POLR1A: variants seen among roughly 807,000 people sequenced by gnomAD.
POLR1A encodes RNA polymerase I subunit A.
Under a neutral mutation model 205.3 loss-of-function variants are expected in POLR1A, and 84 were observed. The ratio of observed to expected loss-of-function variants is 0.41; its 90% CI spans 0.34 to 0.49. POLR1A has a LOEUF of 0.49. Among genes scored for constraint, POLR1A ranks in the 20% least tolerant of loss-of-function variants. The pLI is 0.22. For synonymous variants in POLR1A, 799 were observed against 863.7 expected, an observed-to-expected ratio of 0.93 and a Z score of 1.31; for missense variants, 1,645 against 2,204.5, an observed-to-expected ratio of 0.75 and a Z score of 5.08.
chr2:86,059,413 G>A (rs1672957425), intron 14 of POLR1A, among the ~76,000 whole-genome samples: 1 of 152,144 alleles, frequency 6.6e-6, no homozygotes, highest in African/African-American at 2.4e-5. Flanking sequence ...CCATGTGCCT[G>A]GCCATCAGGA....
intron 12 of POLR1A, among the ~76,000 whole-genome samples, chr2:86,073,429 G>A (rs1255101240): frequency 6.6e-6 from 1 of 152,140 alleles, no homozygotes; most frequent in African/African-American, 2.4e-5. Context: ...GACCCCAGAG[G>A]AATGAGGGCT....
At chr2:86,083,301 C>T in intron 6 of POLR1A, 133 bp from the exon 7 acceptor site, 1 of 678,294 alleles carries the variant, frequency 1.5e-6, no homozygotes, top group African/African-American at 1.8e-5. Flanking sequence ...AGCATATTAT[C>T]AGGCCTGGAT....
intron 14 of POLR1A, among the ~76,000 whole-genome samples, chr2:86,056,384 G>A (rs1049616656): frequency 2.6e-5 from 4 of 151,952 alleles, no homozygotes; most frequent in Non-Finnish European, 5.9e-5. Context: ...CCAGGGAATT[G>A]GAGGTTGCAG....
In POLR1A at chr2:86,079,551, C is replaced by T. The variant is rs546035791; in HGVS notation, c.1086+1265G>A. On this transcript the variant is annotated intron_variant, in intron 9 of 33. Coordinates refer to ENST00000263857, the MANE Select transcript of POLR1A (RefSeq NM_015425.6). ...CGAAGCATTTGTTTGACAAAGGGGA[C>T]GACCAATTTTTCTTTTTTTTTTAAT... 3.9e-5 allele frequency among the ~76,000 whole-genome samples: 6 copies of T among 151,978 alleles called. No homozygotes were observed. The East Asian group carries it at 9.7e-4, about 24-fold the overall frequency.
At chr2:86,077,753 C>A in intron 11 of POLR1A, 106 bp downstream of exon 11, 2 of 1,329,842 alleles carry the variant, frequency 1.5e-6, no homozygotes, top group Non-Finnish European at 2.1e-6. Context: ...GTCCCCAGTC[C>A]TCTGCGGCAT....
intron 3 of POLR1A, among the ~76,000 whole-genome samples, chr2:86,093,802 T>C (rs1673653639): frequency 6.6e-6 from 1 of 152,200 alleles, no homozygotes; most frequent in Non-Finnish European, 1.5e-5. Context: ...GTACTCTAAC[T>C]TGGATAACAG....
rs760022156 is a variant in POLR1A at position 86,088,817 on chromosome 2, T to G, written c.594A>C (p.Ala198=). The G allele has an allele frequency of 5.4e-5, 87 of 1,614,006 alleles. No homozygotes were observed. Among genetic ancestry groups the G allele is most frequent in the Admixed American group, 1.7e-5 (1 of 59,996 alleles). The change falls in exon 5 of 34, where the codon GCA becomes GCC. Residue 198 remains alanine (A), a synonymous_variant. Coordinates refer to ENST00000263857, the MANE Select transcript of POLR1A (RefSeq NM_015425.6). The part of the protein sequence containing the change: ...KSKLIALFWK[A]HMNAKRCPHC... ...GGGGACAGCGCTTAGCATTCATATG[T>G]GCCTTCCAGAAGAGAGCAATGAGCT... is the stretch of plus-strand genomic sequence containing the variant.
chr2:86,058,612 TA>T (rs1163734423), intron 14 of POLR1A, among the ~76,000 whole-genome samples: 2 of 151,054 alleles, frequency 1.3e-5, no homozygotes, highest in Non-Finnish European at 2.9e-5. Flanking sequence ...TAGAAATGTA[TA>T]ATTTACTTTC....
chr2:86,075,203 G>A lies in POLR1A; in HGVS notation c.1438C>T (p.Leu480Phe), dbSNP rs1279854555. 3 of 1,612,912 alleles carry A rather than the reference G, an allele frequency of 1.9e-6. No individual in the cohort carries two copies. Among genetic ancestry groups the A allele is most frequent in the Non-Finnish European group, 2.5e-6 (3 of 1,179,472 alleles). The change falls in exon 12 of 34, where the codon CTT becomes TTT. Residue 480 changes from leucine to phenylalanine, a missense_variant. Leu to Phe is a conservative substitution (Grantham distance 22). This residue lies in a region of POLR1A where 131 missense variants were observed against 214.5 expected (regional missense o/e 0.61). Transcript: ENST00000263857. Reference protein sequence around the residue: ...QPVTPWNVQELRQAVINGPNV... With the variant: ...QPVTPWNVQEFRQAVINGPNV... ...GGGCCGTTGATGACCGCTTGCCTAA[G>A]TTCCTGAACATTCCATGGGGTAACT...
At chr2:86,100,374 A>G (rs1010479262) in intron 1 of POLR1A, among the ~76,000 whole-genome samples, 2 of 152,188 alleles carry the variant, frequency 1.3e-5, no homozygotes, top group Non-Finnish European at 2.9e-5. Flanking sequence ...TATGTGCTAA[A>G]TGAATAAGTC....
intron 27 of POLR1A, among the ~76,000 whole-genome samples, chr2:86,036,396 C>G (rs1247290217): frequency 2.0e-5 from 3 of 152,122 alleles, no homozygotes; most frequent in African/African-American, 7.2e-5. Context: ...ATATCTCTAC[C>G]TAGGGAACCA....
At chr2:86,044,382 T>A (rs750789964) in intron 21 of POLR1A, 78 bp from the exon 22 acceptor site, 1 of 1,512,090 alleles carries the variant, frequency 6.6e-7, no homozygotes, top group Non-Finnish European at 9.1e-7. Flanking sequence ...TTGGGGGCAG[T>A]GGAGGGGAGG....
chr2:86,069,387 G>T (rs540842280), intron 13 of POLR1A, among the ~76,000 whole-genome samples: 1 of 152,282 alleles, frequency 6.6e-6, no homozygotes, highest in South Asian at 2.1e-4. Flanking sequence ...CCTCCCATGA[G>T]CACATGCTAA....
At chr2:86,068,055 T>C (rs1021941124) in intron 13 of POLR1A, among the ~76,000 whole-genome samples, 1 of 152,236 alleles carries the variant, frequency 6.6e-6, no homozygotes, top group Non-Finnish European at 1.5e-5. Context: ...TGGATTTATA[T>C]GTCAGCCCAC....
In POLR1A at chr2:86,028,498, G is replaced by T; in HGVS notation, c.4897+96C>A. 1 of 835,748 alleles carries T rather than the reference G, an allele frequency of 1.2e-6. No individual in the cohort carries two copies. Among genetic ancestry groups the T allele is most frequent in the Non-Finnish European group, 2.1e-6 (1 of 477,436 alleles). The allele number at this position is 835,748 out of a possible 1,614,324, so 51.8% of individuals were successfully genotyped here. On this transcript the variant is annotated intron_variant, in intron 32 of 33. Transcript: ENST00000263857. This position sits in a 1 kb window ranked among gnomAD's most constrained non-coding sequence, Gnocchi z 4.5. Reference sequence around the variant, plus strand: ...GCCTGCCTTAGTGCTGGACTGACTCGGTGCTGGACCGACACGGTCCTGACC... The same window carrying T: ...GCCTGCCTTAGTGCTGGACTGACTCTGTGCTGGACCGACACGGTCCTGACC...
Position 86,088,699 on chromosome 2 carries a change from G to C in POLR1A, c.627-30C>G, listed in dbSNP as rs367898062. On this transcript the variant is annotated intron_variant, in intron 5 of 33. Transcript: ENST00000263857. ...GCAGGAGGACAGTTGTGATTGAAGA[G>C]AGAAAAAACCCAGTAAGATATTTAA... 3.7e-6 allele frequency: 6 copies of C among 1,604,532 alleles called. No individual in the cohort carries two copies. In the African/African-American group the frequency reaches 6.7e-5, roughly 18 times the overall value.
Position 86,070,560 on chromosome 2 carries a change from G to A in POLR1A, c.1612-288C>T, listed in dbSNP as rs1353640989. ...TTGTCTTCTTCAGAGATGCATAGCC[G>A]TCCCAGGTTTCTGGATTACTCTGAA... On this transcript the variant is annotated intron_variant, in intron 12 of 33. Transcript: ENST00000263857. The surrounding 1 kb of genome is among the most constrained non-coding windows in gnomAD (Gnocchi z 4.4). 6.6e-6 allele frequency among the ~76,000 whole-genome samples: 1 copy of A among 152,012 alleles called. No individual in the cohort carries two copies. The highest frequency in any genetic ancestry group is 2.4e-5 in the African/African-American group (1 of 41,374).
chr2:86,046,901 T>C (rs1672720066), intron 19 of POLR1A, among the ~76,000 whole-genome samples: 1 of 152,230 alleles, frequency 6.6e-6, no homozygotes, highest in South Asian at 2.1e-4. Context: ...ACATAATTTA[T>C]CTATATAACG....
At chr2:86,065,193 G>T in intron 14 of POLR1A, 81 bp downstream of exon 14, 1 of 1,245,872 alleles carries the variant, frequency 8.0e-7, no homozygotes, top group Non-Finnish European at 1.1e-6. Context: ...TCTCTGGTCT[G>T]GACTCTTCTG....
Sources: allele counts gnomAD v4.1 joint callset (sites outside exome capture counted in the v4.1 genomes callset), GRCh38; gene constraint gnomAD v4.1.1; regional missense constraint gnomAD v4.1.1; non-coding constraint Gnocchi (gnomAD v3.1); transcripts MANE v1.5; gene names NCBI Gene and HGNC (gene_info 2026-07-23, HGNC 2026-07-21).